NDST3: variants seen among roughly 807,000 people sequenced by gnomAD.
NDST3 encodes the protein bifunctional heparan sulfate N-deacetylase/N-sulfotransferase 3.
A neutral mutation model predicts 96.1 loss-of-function variants in NDST3; 58 were observed. The observed-to-expected ratio is 0.60, with a 90% CI of 0.49 to 0.75. NDST3 has a LOEUF of 0.75. Among genes scored for constraint, NDST3 ranks in the 30% least tolerant of loss-of-function variants. The pLI is 0.00. For missense variants in NDST3, 788 were observed against 1,034.2 expected (o/e 0.76, Z 3.27); for synonymous variants, 333 against 359.7 (o/e 0.93, Z 0.84).
chr4:118,115,602 G>A (rs774542468), intron 4 of NDST3, among the ~76,000 whole-genome samples: 1 of 152,114 alleles, frequency 6.6e-6, no homozygotes, highest in Non-Finnish European at 1.5e-5. Flanking sequence ...CTGAAGCAAG[G>A]TACACCATGT....
At chr4:118,202,859 A>C (rs1227596124) in intron 6 of NDST3, among the ~76,000 whole-genome samples, 2 of 152,032 alleles carry the variant, frequency 1.3e-5, no homozygotes, top group Non-Finnish European at 2.9e-5. Context: ...GTTGAACATG[A>C]GTGGTAAGAG....
In NDST3 at chr4:118,235,941, T is replaced by C. The variant is rs78096662; in HGVS notation, c.1944-1105T>C. The stretch of plus-strand genomic sequence containing the variant: ...TGCAATATGTTAACAACTGGAATCC[T>C]ACCAGAAGCTTTATCATGTTTGAGG... On this transcript the variant is annotated intron_variant, in intron 9 of 13. Coordinates refer to ENST00000296499, the MANE Select transcript of NDST3 (RefSeq NM_004784.3). Among the ~76,000 whole-genome samples, 88 of 152,354 alleles carry C rather than the reference T, an allele frequency of 5.8e-4. 1 individual carries two copies. The East Asian group carries it at 0.016, about 27-fold the overall frequency.
chr4:118,106,075 C>T (rs1040241909), intron 3 of NDST3, among the ~76,000 whole-genome samples: 3 of 151,994 alleles, frequency 2.0e-5, no homozygotes, highest in African/African-American at 7.3e-5. Flanking sequence ...GATCTTTGTT[C>T]GTATGTTGGC....
chr4:118,061,668 GA>G (rs1204263916), intron 2 of NDST3, among the ~76,000 whole-genome samples: 1 of 152,146 alleles, frequency 6.6e-6, no homozygotes, highest in African/African-American at 2.4e-5. Context: ...ATTAGGGCAA[GA>G]TTTTTTTCAT....
In NDST3 at chr4:118,255,781, C is replaced by A; in HGVS notation, c.*69C>A. Reference sequence around the variant, plus strand: ...CCTTTTCCAAAGCTTCCAGAAGCTACCAAAAGGCAGTTGAAAAATATACCT... The same window carrying A: ...CCTTTTCCAAAGCTTCCAGAAGCTAACAAAAGGCAGTTGAAAAATATACCT... On this transcript the variant is annotated 3_prime_UTR_variant, in exon 14 of 14. Coordinates refer to ENST00000296499, the MANE Select transcript of NDST3 (RefSeq NM_004784.3). 6.9e-7 allele frequency: 1 copy of A among 1,445,260 alleles called. No individual in the cohort carries two copies. Among genetic ancestry groups the A allele is most frequent in the Non-Finnish European group, 9.2e-7 (1 of 1,084,912 alleles). The allele number at this position is 1,445,260 out of a possible 1,614,324, so 89.5% of individuals were successfully genotyped here.
chr4:118,187,045 A>G (rs2125959767), intron 6 of NDST3, among the ~76,000 whole-genome samples: 1 of 152,312 alleles, frequency 6.6e-6, no homozygotes, highest in African/African-American at 2.4e-5. Flanking sequence ...CAGAGTCCCC[A>G]TGAACCAATC....
At chr4:118,061,808 G>A (rs1350744882) in intron 2 of NDST3, among the ~76,000 whole-genome samples, 1 of 152,118 alleles carries the variant, frequency 6.6e-6, no homozygotes, top group Non-Finnish European at 1.5e-5. Flanking sequence ...AACATCAGCT[G>A]AATTAAATTT....
Position 118,051,400 on chromosome 4 carries a change from G to A in NDST3, c.-155-2356G>A, listed in dbSNP as rs143107650. The stretch of plus-strand genomic sequence containing the variant: ...AGCAATTGCAATGAAAACAAAAGTT[G>A]ACTAGTGGGACCTAATTAAACTAAA... On this transcript the variant is annotated intron_variant, in intron 1 of 13. Transcript: ENST00000296499. Among the ~76,000 whole-genome samples, 603 of 152,210 alleles carry A rather than the reference G, an allele frequency of 4.0e-3. 3 individuals are homozygous for A. Among genetic ancestry groups the A allele is most frequent in the African/African-American group, 7.9e-3 (328 of 41,540 alleles).
chr4:118,096,459 G>A (rs1729311716), intron 2 of NDST3, among the ~76,000 whole-genome samples: 1 of 151,590 alleles, frequency 6.6e-6, no homozygotes, highest in Non-Finnish European at 1.5e-5. Flanking sequence ...CAGCTGAAAT[G>A]GACTTTAATT....
At chr4:118,093,631 C>A (rs1729060550) in intron 2 of NDST3, among the ~76,000 whole-genome samples, 3 of 151,854 alleles carry the variant, frequency 2.0e-5, no homozygotes, top group South Asian at 4.1e-4. Context: ...TCTTCGCAAT[C>A]AGTTTATGTA....
chr4:118,216,081 G>A (rs1739177368), intron 6 of NDST3, among the ~76,000 whole-genome samples: 2 of 152,274 alleles, frequency 1.3e-5, no homozygotes, highest in South Asian at 4.2e-4. Context: ...CTGTGCTGAA[G>A]AGTCCATATG....
Position 118,054,374 on chromosome 4 carries a change from T to A in NDST3, c.464T>A (p.Val155Glu). Residue 155 changes from valine to glutamate, a missense_variant, in exon 2 of 14, where the codon GTA becomes GAA. By Grantham distance (121) the Val-to-Glu change is moderately radical (BLOSUM62 -2). Coordinates refer to ENST00000296499, the MANE Select transcript of NDST3 (RefSeq NM_004784.3). ...WNRSLLDKYCVEYGVGVIGFH... is the reference protein window; with the variant it reads ...WNRSLLDKYCEEYGVGVIGFH... ...CGAAGCCTTCTAGATAAATACTGTG[T>A]AGAATATGGTGTGGGTGTCATTGGA... 6.2e-7 allele frequency: 1 copy of A among 1,612,946 alleles called. No homozygotes were observed. The highest frequency in any genetic ancestry group is 2.2e-5 in the East Asian group (1 of 44,812).
At chr4:118,142,069 A>T (rs1396531832) in intron 5 of NDST3, among the ~76,000 whole-genome samples, 1 of 152,148 alleles carries the variant, frequency 6.6e-6, no homozygotes, top group African/African-American at 2.4e-5. Flanking sequence ...TTACATTTAT[A>T]ATAGTTGTTA....
chr4:118,243,983 A>G (rs1433042568), intron 12 of NDST3, among the ~76,000 whole-genome samples: 1 of 152,164 alleles, frequency 6.6e-6, no homozygotes, highest in Non-Finnish European at 1.5e-5. Context: ...TGATTCTCTA[A>G]CCTGGTTGGG....
intron 6 of NDST3, among the ~76,000 whole-genome samples, chr4:118,165,258 C>T (rs1166468025): frequency 2.6e-5 from 4 of 151,792 alleles, no homozygotes; most frequent in South Asian, 2.1e-4. Flanking sequence ...AAATGTTAAC[C>T]GAGAGAGCAA....
At chr4:118,252,680 C>T (rs1741823200) in intron 12 of NDST3, among the ~76,000 whole-genome samples, 1 of 152,170 alleles carries the variant, frequency 6.6e-6, no homozygotes, top group African/African-American at 2.4e-5. Context: ...CACCTGAGGT[C>T]AGGAGTTTGA....
At position 118,224,586 on chromosome 4, in the gene NDST3, C is replaced by A. The variant is rs1296776562; in HGVS notation, c.1635C>A (p.Thr545=). The change falls in exon 7 of 14, where the codon ACC becomes ACA. Residue 545 remains threonine, a synonymous_variant. Transcript: ENST00000296499. ...VNLANFVKSW[T]NLRLQTLPPV... is the part of the protein sequence containing the mutation. ...TGGCCAACTTTGTGAAGAGCTGGAC[C>A]AACCTGCGACTTCAGACTCTGCCTC... 2.5e-6 allele frequency: 4 copies of A among 1,612,766 alleles called. No homozygotes were observed. Among genetic ancestry groups the A allele is most frequent in the East Asian group, 2.2e-5 (1 of 44,870 alleles).
At chr4:118,058,430 C>CAAAAAAAAAA (rs35067389) in intron 2 of NDST3, among the ~76,000 whole-genome samples, 12 of 118,142 alleles carry the variant, frequency 1.0e-4, no homozygotes, top group African/African-American at 7.0e-5. Context: ...CACAAAAAGA[C>CAAAAAAAAAA]AAAAAAAAAA....
intron 8 of NDST3, among the ~76,000 whole-genome samples, chr4:118,227,370 T>C (rs1739959970): frequency 6.6e-6 from 1 of 152,106 alleles, no homozygotes; most frequent in Non-Finnish European, 1.5e-5. Flanking sequence ...ATAAATCCCT[T>C]CTAGAAAAAT....
Sources: gnomAD v4.1 joint callset for allele counts (sites outside exome capture counted in the v4.1 genomes callset) on GRCh38, gnomAD v4.1.1 for gene constraint, MANE v1.5 for transcripts, NCBI Gene and HGNC (gene_info 2026-07-23, HGNC 2026-07-21) for gene names.